ARRDC1: variants seen among roughly 807,000 people sequenced by gnomAD.
The protein encoded by ARRDC1 is arrestin domain containing 1.
ARRDC1 carries 37 observed loss-of-function variants against 40.1 expected under a neutral mutation model. The ratio of observed to expected loss-of-function variants is 0.92; its 90% CI spans 0.71 to 1.21. ARRDC1 has a LOEUF of 1.21. Among genes scored for constraint, ARRDC1 ranks in the 50% most tolerant of loss-of-function variants. The pLI, the probability that ARRDC1 is intolerant of heterozygous loss-of-function variation, is 0.00. For synonymous variants in ARRDC1, 310 were observed against 262.5 expected (o/e 1.18, Z -1.75); for missense variants, 641 against 581.9 (o/e 1.10, Z -1.04).
In ARRDC1 at chr9:137,614,116, C is replaced by A. The variant is rs1285001432; in HGVS notation, c.520C>A (p.Leu174Ile). Residue 174 changes from leucine (L) to isoleucine (I), a missense_variant, in exon 5 of 8, where the codon CTC becomes ATC. Leu to Ile is a conservative substitution (Grantham distance 5). Coordinates refer to ENST00000371421, the MANE Select transcript of ARRDC1 (RefSeq NM_152285.4). ...GSVVLTASTDLRGYVVGQALQ... is the reference protein window; with the variant it reads ...GSVVLTASTDIRGYVVGQALQ... ...CGTGGTCCTCACAGCCAGCACTGAT[C>A]TCCGCGGCTATGTGGTGGGGCAGGC... 1 of 1,613,764 alleles carries A rather than the reference C, an allele frequency of 6.2e-7. No individual in the cohort carries two copies. The highest frequency in any genetic ancestry group is 1.7e-5 in the Admixed American group (1 of 60,004).
In ARRDC1 at chr9:137,613,726, A is replaced by C. The variant is rs200162693; in HGVS notation, c.392A>C (p.Tyr131Ser). 3.1e-6 allele frequency: 5 copies of C among 1,614,204 alleles called. No homozygotes were observed. Among genetic ancestry groups the C allele is most frequent in the East Asian group, 2.2e-5 (1 of 44,874 alleles). Reference protein sequence around the residue: ...SKDHKCSLVFYILSPLNLNSI... With the variant: ...SKDHKCSLVFSILSPLNLNSI... ...GATCACAAGTGCAGCCTCGTGTTCT[A>C]TATCTTGAGCCCCTTGAACCTGAAC... Residue 131 changes from tyrosine (Y) to serine (S), a missense_variant, in exon 4 of 8, where the codon TAT (tyrosine) becomes TCT (serine). Tyr to Ser is a moderately radical substitution (Grantham distance 144). Transcript: ENST00000371421.
chr9:137,607,220 C>T (rs1355847922), intron 1 of ARRDC1, among the ~76,000 whole-genome samples: 1 of 152,214 alleles, frequency 6.6e-6, no homozygotes, highest in Admixed American at 6.5e-5. Context: ...GAGGGTGTAC[C>T]GGGGCCCCCG....
intron 2 of ARRDC1, 91 bp downstream of exon 2, chr9:137,613,097 C>T: frequency 3.9e-6 from 4 of 1,022,642 alleles, no homozygotes; most frequent in Non-Finnish European, 4.5e-6. Context: ...TTTCCTAGAT[C>T]TGCCTCTTGG....
chr9:137,612,888 C>A lies in ARRDC1; in HGVS notation c.119-8C>A. On this transcript the variant is annotated splice_region_variant and splice_polypyrimidine_tract_variant and intron_variant, in intron 1 of 7. Transcript: ENST00000371421. ...TGGCTGGGGCTCATGCAGCCATCCC[C>A]TTTGCAGCCATCCGGGTGACCTGCA... The A allele has an allele frequency of 2.5e-6, 4 of 1,610,844 alleles. No homozygotes were observed. The highest frequency in any genetic ancestry group is 3.4e-6 in the Non-Finnish European group (4 of 1,177,452).
chr9:137,609,199 TTG>T (rs1251122194), intron 1 of ARRDC1, among the ~76,000 whole-genome samples: 1 of 152,140 alleles, frequency 6.6e-6, no homozygotes, highest in Non-Finnish European at 1.5e-5. Flanking sequence ...TAAGGGGTGT[TTG>T]TGTTCCACCT....
Position 137,613,748 on chromosome 9 carries a change from G to A in ARRDC1, c.414G>A (p.Leu138=), listed in dbSNP as rs747166993. ...LVFYILSPLN[L]NSIPDIEQPN... ...TCTATATCTTGAGCCCCTTGAACCT[G>A]AACAGCATCCCAGACATTGAGGTGA... The change falls in exon 4 of 8, where the codon CTG becomes CTA. Residue 138 remains leucine (L), a synonymous_variant. Coordinates refer to ENST00000371421, the MANE Select transcript of ARRDC1 (RefSeq NM_152285.4). The A allele has an allele frequency of 1.9e-6, 3 of 1,614,202 alleles. No individual in the cohort carries two copies. The highest frequency in any genetic ancestry group is 2.5e-6 in the Non-Finnish European group (3 of 1,180,034).
At chr9:137,610,008 G>A (rs1336185153) in intron 1 of ARRDC1, among the ~76,000 whole-genome samples, 2 of 151,672 alleles carry the variant, frequency 1.3e-5, no homozygotes, top group Admixed American at 6.6e-5. Flanking sequence ...AGAGACGGGG[G>A]TTTCACCGTG....
intron 4 of ARRDC1, 55 bp downstream of exon 4, chr9:137,613,824 G>T: frequency 6.2e-7 from 1 of 1,601,458 alleles, no homozygotes; most frequent in African/African-American, 1.3e-5. Flanking sequence ...GGAGGCTGGG[G>T]AAGAGCTGGG....
In ARRDC1 at chr9:137,613,013, T is replaced by C. The variant is rs1435640530; in HGVS notation, c.229+7T>C. 6.2e-7 allele frequency: 1 copy of C among 1,610,390 alleles called. No homozygotes were observed. The highest frequency in any genetic ancestry group is 1.7e-5 in the Admixed American group (1 of 59,812). On this transcript the variant is annotated splice_region_variant and intron_variant, in intron 2 of 7. Transcript: ENST00000371421. The stretch of plus-strand genomic sequence containing the variant: ...CTGTCGCTGGCAGACAAGGGTAAGT[T>C]TGGGAGCCAGTTCCCGAGTGGTGAC...
In ARRDC1 at chr9:137,614,761, TC is replaced by T; in HGVS notation, c.1000del (p.Leu334SerfsTer16). 2 of 1,610,304 alleles carry T rather than the reference TC, an allele frequency of 1.2e-6. No homozygotes were observed. Among genetic ancestry groups the T allele is most frequent in the East Asian group, 4.5e-5 (2 of 44,808 alleles). On this transcript the variant is annotated frameshift_variant, in exon 7 of 8. Coordinates refer to ENST00000371421, the MANE Select transcript of ARRDC1 (RefSeq NM_152285.4). LOFTEE classifies it high-confidence loss of function. ...GGCCCCCACTTCTTGGACCCCGTCT[TC>T]CTCTCCACCAAGAGCCATTCGCAGC... ...AGGPHFLDPV[F>X]LSTKSHSQRQ...
chr9:137,614,999 T>C lies in ARRDC1; in HGVS notation c.1236T>C (p.Tyr412=). Residue 412 remains tyrosine (Y), a splice_region_variant and synonymous_variant, in exon 7 of 8, where the codon TAT becomes TAC. Transcript: ENST00000371421. ...PPEYSSWGYP[Y]EAPPSYEQSC... ...AGTACAGTTCTTGGGGCTACCCCTA[T>C]GGTGAGTCGACAGCCAGGGCTTGGC... is the stretch of plus-strand genomic sequence containing the variant. The C allele has an allele frequency of 6.2e-7, 1 of 1,613,196 alleles. No homozygotes were observed. Among genetic ancestry groups the C allele is most frequent in the Non-Finnish European group, 8.5e-7 (1 of 1,179,592 alleles).
intron 1 of ARRDC1, among the ~76,000 whole-genome samples, chr9:137,611,176 A>C (rs1842509312): frequency 6.6e-6 from 1 of 152,150 alleles, no homozygotes; most frequent in South Asian, 2.1e-4. Context: ...CAGGAGGATT[A>C]CTGGTGTTCC....
intron 1 of ARRDC1, among the ~76,000 whole-genome samples, chr9:137,610,429 T>A (rs1363997459): frequency 6.6e-6 from 1 of 152,096 alleles, no homozygotes; most frequent in Non-Finnish European, 1.5e-5. Context: ...GAAGTCTCGC[T>A]CTGTCACCCA....
Position 137,613,603 on chromosome 9 carries a change from C to G in ARRDC1, c.281-12C>G, listed in dbSNP as rs761265180. The G allele has an allele frequency of 1.2e-6, 2 of 1,614,168 alleles. No homozygotes were observed. The highest frequency in any genetic ancestry group is 2.2e-5 in the South Asian group (2 of 91,084). The stretch of plus-strand genomic sequence containing the variant: ...GAAGGCAGCCAGGTACCAGTGCCTG[C>G]TCTCTCCCCAGCCACTGCACCCACG... On this transcript the variant is annotated splice_polypyrimidine_tract_variant and intron_variant, in intron 3 of 7. Coordinates refer to ENST00000371421, the MANE Select transcript of ARRDC1 (RefSeq NM_152285.4).
Position 137,606,886 on chromosome 9 carries a change from C to T in ARRDC1, c.118+1051C>T, listed in dbSNP as rs113571065. Among the ~76,000 whole-genome samples the T allele has an allele frequency of 9.8e-3, 1,497 of 152,338 alleles. 21 individuals are homozygous for T. The highest frequency in any genetic ancestry group is 0.034 in the Middle Eastern group (10 of 294). ...TCCTGGTTGAGGGCTGTGCAGGACC[C>T]TGTCGTCCTTCCCCTGGCGTGGCCT... On this transcript the variant is annotated intron_variant, in intron 1 of 7. Coordinates refer to ENST00000371421, the MANE Select transcript of ARRDC1 (RefSeq NM_152285.4).
chr9:137,612,906 G>GACCTGCATAGGT lies in ARRDC1; in HGVS notation c.130_141dup (p.Thr44_Gly47dup). 1 of 1,613,664 alleles carries GACCTGCATAGGT rather than the reference G, an allele frequency of 6.2e-7. No homozygotes were observed. Among genetic ancestry groups the GACCTGCATAGGT allele is most frequent in the Non-Finnish European group, 8.5e-7 (1 of 1,179,648 alleles). ...CCATCCCCTTTGCAGCCATCCGGGT[G>GACCTGCATAGGT]ACCTGCATAGGTTCCTGCGGGGTCT... is the stretch of plus-strand genomic sequence containing the variant. On this transcript the variant is annotated inframe_insertion, in exon 2 of 8. Coordinates refer to ENST00000371421, the MANE Select transcript of ARRDC1 (RefSeq NM_152285.4).
chr9:137,614,604 A>C lies in ARRDC1; in HGVS notation c.841A>C (p.Ile281Leu), dbSNP rs1227573654. ...AGCTACTGTGACCCTCCCGGTCTTC[A>C]TTGGCAATATTGCTGTGAACCATGC... ...PEATVTLPVFIGNIAVNHAPV... is the reference protein window; with the variant it reads ...PEATVTLPVFLGNIAVNHAPV... The change falls in exon 7 of 8, where the codon ATT (isoleucine) becomes CTT (leucine). Residue 281 changes from isoleucine (I) to leucine (L), a missense_variant. Ile to Leu is a conservative substitution (Grantham distance 5). Transcript: ENST00000371421. 6.2e-7 allele frequency: 1 copy of C among 1,612,748 alleles called. No individual in the cohort carries two copies. The highest frequency in any genetic ancestry group is 1.3e-5 in the African/African-American group (1 of 74,940).
Position 137,612,958 on chromosome 9 carries a change from G to A in ARRDC1, c.181G>A (p.Val61Ile), listed in dbSNP as rs375491533. The A allele has an allele frequency of 4.3e-6, 7 of 1,614,116 alleles. No homozygotes were observed. The African/African-American group carries it at 6.7e-5, about 15-fold the overall frequency. ...CAACAAGGCTAATGACACAGCGTGGGTAGTGGAGGAGGGTTACTTCAACAG... is the reference window on the plus strand; with the variant it reads ...CAACAAGGCTAATGACACAGCGTGGATAGTGGAGGAGGGTTACTTCAACAG... ...VSNKANDTAW[V>I]VEEGYFNSSL... Residue 61 changes from valine (V) to isoleucine (I), a missense_variant, in exon 2 of 8, where the codon GTA (valine) becomes ATA (isoleucine). Coordinates refer to ENST00000371421, the MANE Select transcript of ARRDC1 (RefSeq NM_152285.4).
In ARRDC1 at chr9:137,615,091, G is replaced by A. The variant is rs758130796; in HGVS notation, c.1255G>A (p.Glu419Lys). The change falls in exon 8 of 8, where the codon GAG becomes AAG. Residue 419 changes from glutamate (E) to lysine (K), a missense_variant. Glu to Lys is a moderately conservative substitution (Grantham distance 56). Transcript: ENST00000371421. ...TCCCGCAGAGGCCCCACCGTCTTAT[G>A]AGCAGAGCTGCGGCGGCGTGGAACC... is the stretch of plus-strand genomic sequence containing the variant. The part of the protein sequence containing the change: ...GYPYEAPPSY[E>K]QSCGGVEPSL... 2 of 1,581,116 alleles carry A rather than the reference G, an allele frequency of 1.3e-6. No individual in the cohort carries two copies. Among genetic ancestry groups the A allele is most frequent in the South Asian group, 1.2e-5 (1 of 86,768 alleles).
Sources: allele counts gnomAD v4.1 joint callset (sites outside exome capture counted in the v4.1 genomes callset), GRCh38; gene constraint gnomAD v4.1.1; transcripts MANE v1.5; gene names NCBI Gene and HGNC (gene_info 2026-07-23, HGNC 2026-07-21).